ST6GALNAC3: variants seen among roughly 807,000 people sequenced by gnomAD.
ST6GALNAC3 encodes the protein alpha-N-acetylgalactosaminide alpha-2,6-sialyltransferase 3.
ST6GALNAC3 carries 25 observed loss-of-function variants against 32.7 expected under a neutral mutation model. The ratio of observed to expected loss-of-function variants is 0.76; its 90% confidence interval spans 0.56 to 1.07. The LOEUF (loss-of-function observed/expected upper bound fraction) is 1.07. Ranked by LOEUF, ST6GALNAC3 falls within the 50% of genes least tolerant of loss-of-function variation. ST6GALNAC3 has a pLI of 0.00. For missense variants in ST6GALNAC3, 355 were observed against 382.4 expected, an observed-to-expected ratio of 0.93 and a Z score of 0.60; for synonymous variants, 129 against 133.1, an observed-to-expected ratio of 0.97 and a Z score of 0.21.
At chr1:76,475,859 C>A (rs1038482771) in intron 3 of ST6GALNAC3, among the ~76,000 whole-genome samples, 1 of 152,122 alleles carries the variant, frequency 6.6e-6, no homozygotes, top group Non-Finnish European at 1.5e-5. Context: ...TAGCCCCCAG[C>A]CCCCGACAGG....
intron 1 of ST6GALNAC3, among the ~76,000 whole-genome samples, chr1:76,291,119 C>T (rs1327536307): frequency 6.6e-6 from 1 of 152,196 alleles, no homozygotes; most frequent in Non-Finnish European, 1.5e-5. Context: ...TTCTAAGTGA[C>T]CGCCATAACT....
intron 1 of ST6GALNAC3, among the ~76,000 whole-genome samples, chr1:76,143,427 GTC>G (rs1650467907): frequency 6.8e-6 from 1 of 148,066 alleles, no homozygotes; most frequent in Non-Finnish European, 1.5e-5. Context: ...GTGTGTGTCC[GTC>G]TGTGTGTGCA....
At chr1:76,543,237 A>G (rs1473616942) in intron 3 of ST6GALNAC3, among the ~76,000 whole-genome samples, 1 of 152,220 alleles carries the variant, frequency 6.6e-6, no homozygotes, top group Admixed American at 6.6e-5. Flanking sequence ...GTTTTTAGAC[A>G]GGAATATCTG....
intron 3 of ST6GALNAC3, among the ~76,000 whole-genome samples, chr1:76,431,412 A>T (rs1051313851): frequency 5.6e-4 from 86 of 152,288 alleles, no homozygotes; most frequent in Admixed American, 5.6e-3. Flanking sequence ...AATTTTGATT[A>T]AAAAAATAAA....
At chr1:76,235,864 G>A (rs1557716335) in intron 1 of ST6GALNAC3, among the ~76,000 whole-genome samples, 2 of 150,982 alleles carry the variant, frequency 1.3e-5, no homozygotes, top group East Asian at 3.9e-4. Flanking sequence ...ATCTTCACAT[G>A]GTGTTCTCCC....
chr1:76,175,701 T>C (rs1557673686), intron 1 of ST6GALNAC3, among the ~76,000 whole-genome samples: 2 of 152,202 alleles, frequency 1.3e-5, no homozygotes, highest in Admixed American at 6.5e-5. Context: ...AGGTCAATGC[T>C]TTGCCATGAA....
intron 1 of ST6GALNAC3, among the ~76,000 whole-genome samples, chr1:76,259,730 C>G (rs1283929234): frequency 6.6e-6 from 1 of 152,132 alleles, no homozygotes; most frequent in Admixed American, 6.5e-5. Context: ...GTGCTGAGTA[C>G]ACATACTCTG....
chr1:76,104,784 A>G (rs749657430), intron 1 of ST6GALNAC3, among the ~76,000 whole-genome samples: 38 of 152,308 alleles, frequency 2.5e-4, no homozygotes, highest in Non-Finnish European at 1.2e-4. Flanking sequence ...TTACAGTTCC[A>G]CAGGGCTGGG....
At chr1:76,450,310 G>C (rs947232169) in intron 3 of ST6GALNAC3, among the ~76,000 whole-genome samples, 1 of 151,950 alleles carries the variant, frequency 6.6e-6, no homozygotes, top group Non-Finnish European at 1.5e-5. Context: ...ATGTGGTTTT[G>C]ATTTGTATTT....
At chr1:76,212,707 A>G (rs751315140) in intron 1 of ST6GALNAC3, among the ~76,000 whole-genome samples, 21 of 152,180 alleles carry the variant, frequency 1.4e-4, no homozygotes, top group Non-Finnish European at 2.5e-4. Flanking sequence ...GCCACTTTGA[A>G]ATTCAGGTGG....
chr1:76,121,685 C>T (rs369037416), intron 1 of ST6GALNAC3, among the ~76,000 whole-genome samples: 5 of 152,150 alleles, frequency 3.3e-5, no homozygotes, highest in African/African-American at 1.2e-4. Flanking sequence ...CACTGTACTC[C>T]AGCCTGGGCA....
At chr1:76,360,733 C>T (rs1215496362) in intron 2 of ST6GALNAC3, among the ~76,000 whole-genome samples, 3 of 152,118 alleles carry the variant, frequency 2.0e-5, no homozygotes, top group African/African-American at 4.8e-5. Context: ...CATAATTGCT[C>T]ATGTTCATAC....
intron 3 of ST6GALNAC3, chr1:76,577,447 C>A: frequency 3.0e-6 from 1 of 337,676 alleles, no homozygotes; most frequent in Non-Finnish European, 4.2e-6. Context: ...CCATGCCGCT[C>A]AAAATTAAAG....
rs113329166 is a variant in ST6GALNAC3, at chr1:76,553,676, A to G, written c.624-73776A>G. The stretch of plus-strand genomic sequence containing the variant: ...CTTACAGCCACTTTGTTTTCTCTCT[A>G]TTTTTACTCGTCTTTAGTAATTACA... On this transcript the variant is annotated intron_variant, in intron 3 of 4. Transcript: ENST00000328299. Among the ~76,000 whole-genome samples, 1,236 of 151,994 alleles carry G rather than the reference A, an allele frequency of 8.1e-3. 13 individuals carry two copies. The highest frequency in any genetic ancestry group is 0.028 in the African/African-American group (1,180 of 41,430).
chr1:76,240,836 C>G lies in ST6GALNAC3; in HGVS notation c.19-72969C>G, dbSNP rs147656830. Among the ~76,000 whole-genome samples the G allele has an allele frequency of 4.0e-3, 608 of 152,300 alleles. 2 individuals carry two copies. Among genetic ancestry groups the G allele is most frequent in the African/African-American group, 0.014 (566 of 41,580 alleles). On this transcript the variant is annotated intron_variant, in intron 1 of 4. Coordinates refer to ENST00000328299, the MANE Select transcript of ST6GALNAC3 (RefSeq NM_152996.4). ...TGTCAGTTTATCCTACCTTAATACCCATTTTTATCTATCTCCAAGTTTGAC... is the reference window on the plus strand; with the variant it reads ...TGTCAGTTTATCCTACCTTAATACCGATTTTTATCTATCTCCAAGTTTGAC...
chr1:76,415,245 T>C (rs1249191520), intron 3 of ST6GALNAC3, among the ~76,000 whole-genome samples: 1 of 150,654 alleles, frequency 6.6e-6, no homozygotes, highest in Non-Finnish European at 1.5e-5. Flanking sequence ...TCTAGTTTTC[T>C]CTTTTTTTAA....
chr1:76,122,182 T>G (rs143618182), intron 1 of ST6GALNAC3, among the ~76,000 whole-genome samples: 210 of 152,270 alleles, frequency 1.4e-3, no homozygotes, highest in African/African-American at 4.9e-3. Flanking sequence ...TTGCATTTTC[T>G]CAGAAACTGG....
At chr1:76,366,293 G>A (rs1650367535) in intron 2 of ST6GALNAC3, among the ~76,000 whole-genome samples, 1 of 152,106 alleles carries the variant, frequency 6.6e-6, no homozygotes, top group African/African-American at 2.4e-5. Flanking sequence ...TGATCTGACA[G>A]ACTCCTGCAA....
At chr1:76,541,206 T>A (rs1663966826) in intron 3 of ST6GALNAC3, among the ~76,000 whole-genome samples, 3 of 152,144 alleles carry the variant, frequency 2.0e-5, no homozygotes, top group Admixed American at 2.0e-4. Flanking sequence ...AGAAGGTCTG[T>A]CTATTATGTT....
Sources: gnomAD v4.1 joint callset for allele counts (sites outside exome capture counted in the v4.1 genomes callset) on GRCh38, gnomAD v4.1.1 for gene constraint, MANE v1.5 for transcripts, NCBI Gene and HGNC (gene_info 2026-07-23, HGNC 2026-07-21) for gene names.